The following STIM2 variants were observed in gnomAD, a reference collection of about 807,000 sequenced individuals.
STIM2 encodes the protein stromal interaction molecule 2.
Under a neutral mutation model 85.8 loss-of-function variants are expected in STIM2, and 31 were observed. The observed-to-expected ratio is 0.36, with a 90% confidence interval of 0.27 to 0.49. The LOEUF (loss-of-function observed/expected upper bound fraction) is 0.49. Among genes scored for constraint, STIM2 ranks in the 20% least tolerant of loss-of-function variants. The pLI, the probability that STIM2 is intolerant of heterozygous loss-of-function variation, is 0.98. For synonymous variants in STIM2, 356 were observed against 331.1 expected (o/e 1.08, Z -0.82); for missense variants, 841 against 927.6 (o/e 0.91, Z 1.21).
In STIM2 at chr4:26,918,745, C is replaced by T. The variant is rs528476548; in HGVS notation, c.152-759C>T. Among the ~76,000 whole-genome samples, 9 of 152,230 alleles carry T rather than the reference C, an allele frequency of 5.9e-5. No homozygotes were observed. In the South Asian group the frequency reaches 1.9e-3, roughly 32 times the overall value. ...TGCACAGGAAGTAATTTCCATCAGT[C>T]ATGTTAAGCCATTGAAAAATGTTTC... On this transcript the variant is annotated intron_variant, in intron 1 of 11. Coordinates refer to ENST00000467087, the MANE Select transcript of STIM2 (RefSeq NM_020860.4).
At chr4:26,948,520 C>T (rs1191664306) in intron 2 of STIM2, among the ~76,000 whole-genome samples, 2 of 152,102 alleles carry the variant, frequency 1.3e-5, no homozygotes, top group East Asian at 1.9e-4. Context: ...CCTAGTATTT[C>T]GGGAGGCAAG....
Position 26,874,108 on chromosome 4 carries a change from T to C in STIM2, c.151+12739T>C, listed in dbSNP as rs1047816568. The C allele has an allele frequency of 2.6e-5, 15 of 569,732 alleles. No individual in the cohort carries two copies. In the Admixed American group the frequency reaches 3.3e-4, roughly 13 times the overall value. The allele number at this position is 569,732 out of a possible 1,614,324, so 35.3% of individuals were successfully genotyped here. ...GCTGAGCGAGCTGCAGCTTGGAGGC[T>C]CTGCTGCCCTGGCTCTGGGGTTTCC... On this transcript the variant is annotated intron_variant, in intron 1 of 11. Transcript: ENST00000467087.
chr4:26,915,847 G>A (rs1724557702), intron 1 of STIM2, among the ~76,000 whole-genome samples: 1 of 152,180 alleles, frequency 6.6e-6, no homozygotes, highest in Non-Finnish European at 1.5e-5. Context: ...TGCCTTGTGT[G>A]CCCAGCACCA....
At chr4:26,864,525 C>T (rs900596119) in intron 1 of STIM2, among the ~76,000 whole-genome samples, 1 of 152,024 alleles carries the variant, frequency 6.6e-6, no homozygotes. Flanking sequence ...TGAAACATTA[C>T]ATTATTTCTT....
intron 3 of STIM2, among the ~76,000 whole-genome samples, chr4:26,976,050 C>T (rs879556536): frequency 1.1e-4 from 17 of 152,192 alleles, no homozygotes; most frequent in South Asian, 2.1e-4. Context: ...GTGGGACCGC[C>T]GAACCAGGCA....
chr4:26,906,966 CA>C (rs33976513), intron 1 of STIM2, among the ~76,000 whole-genome samples: 72,527 of 116,488 alleles, frequency 0.62, 20,079 homozygotes, highest in African/African-American at 0.76. Context: ...GACTCCGTCT[CA>C]AAAAAAAAAA....
chr4:26,946,035 T>G (rs545681668), intron 2 of STIM2, among the ~76,000 whole-genome samples: 1 of 152,196 alleles, frequency 6.6e-6, no homozygotes, highest in Non-Finnish European at 1.5e-5. Context: ...AAAATCATTA[T>G]TTTTCTTCTA....
chr4:26,989,932 A>G (rs973908305), intron 3 of STIM2, among the ~76,000 whole-genome samples: 2 of 152,188 alleles, frequency 1.3e-5, no homozygotes, highest in African/African-American at 4.8e-5. Flanking sequence ...AAAGAAAATT[A>G]TAAAACACTG....
chr4:26,879,967 G>T (rs1054456767), intron 1 of STIM2, among the ~76,000 whole-genome samples: 1 of 152,100 alleles, frequency 6.6e-6, no homozygotes, highest in Non-Finnish European at 1.5e-5. Context: ...TGGGATTCCT[G>T]CAGTACCTTC....
chr4:26,993,553 T>C (rs2109124023), intron 3 of STIM2, among the ~76,000 whole-genome samples: 1 of 152,280 alleles, frequency 6.6e-6, no homozygotes, highest in African/African-American at 2.4e-5. Flanking sequence ...TTTTTTCAGA[T>C]TTATTTATAT....
intron 1 of STIM2, among the ~76,000 whole-genome samples, chr4:26,905,884 G>A (rs770089852): frequency 2.6e-5 from 4 of 151,998 alleles, no homozygotes; most frequent in Non-Finnish European, 5.9e-5. Flanking sequence ...AGGGATTACT[G>A]TATCTTAAAT....
intron 3 of STIM2, among the ~76,000 whole-genome samples, chr4:26,960,394 TATA>T (rs1279901629): frequency 2.0e-5 from 3 of 152,144 alleles, no homozygotes; most frequent in Admixed American, 6.5e-5. Flanking sequence ...TATATGTATA[TATA>T]AAACACACAC....
chr4:26,889,696 A>G (rs1427967124), intron 1 of STIM2, among the ~76,000 whole-genome samples: 1 of 152,188 alleles, frequency 6.6e-6, no homozygotes, highest in Non-Finnish European at 1.5e-5. Context: ...GCCTTGGTAC[A>G]TAGAAGTTCA....
intron 3 of STIM2, among the ~76,000 whole-genome samples, chr4:26,968,049 T>C (rs1446448477): frequency 6.6e-6 from 1 of 152,092 alleles, no homozygotes; most frequent in Admixed American, 6.5e-5. Flanking sequence ...TATGCACCTG[T>C]GGTCCCTGCT....
At chr4:26,973,440 C>G (rs1197567059) in intron 3 of STIM2, among the ~76,000 whole-genome samples, 1 of 152,162 alleles carries the variant, frequency 6.6e-6, no homozygotes, top group Non-Finnish European at 1.5e-5. Context: ...TATGTTGTAT[C>G]TTTGTTCTCA....
At chr4:26,890,681 G>A (rs1393742683) in intron 1 of STIM2, among the ~76,000 whole-genome samples, 4 of 151,758 alleles carry the variant, frequency 2.6e-5, no homozygotes, top group South Asian at 2.1e-4. Context: ...AAAATTAGCC[G>A]GGCGTAGTGG....
chr4:26,895,370 C>T (rs897338871), intron 1 of STIM2, among the ~76,000 whole-genome samples: 4 of 152,008 alleles, frequency 2.6e-5, no homozygotes, highest in African/African-American at 7.2e-5. Context: ...CTCTTTGATT[C>T]AAAACATAAA....
chr4:26,967,662 C>T (rs1015368925), intron 3 of STIM2, among the ~76,000 whole-genome samples: 4 of 152,108 alleles, frequency 2.6e-5, no homozygotes, highest in Non-Finnish European at 2.9e-5. Flanking sequence ...TCTTTGTCTG[C>T]CTTTTTTAAC....
chr4:26,952,489 A>T (rs988663990), intron 2 of STIM2, among the ~76,000 whole-genome samples: 1 of 152,100 alleles, frequency 6.6e-6, no homozygotes, highest in African/African-American at 2.4e-5. Flanking sequence ...ACTATGTACC[A>T]AGCACTTTTT....
Sources: allele counts gnomAD v4.1 joint callset (sites outside exome capture counted in the v4.1 genomes callset), GRCh38; gene constraint gnomAD v4.1.1; transcripts MANE v1.5; gene names NCBI Gene and HGNC (gene_info 2026-07-23, HGNC 2026-07-21).